TRMT2B: variants seen among roughly 807,000 people sequenced by gnomAD.
The protein encoded by TRMT2B is tRNA methyltransferase 2B.
A neutral mutation model predicts 39.7 loss-of-function variants in TRMT2B; 34 were observed. That is an observed-to-expected ratio of 0.86 (90% CI 0.65 to 1.14). The LOEUF (loss-of-function observed/expected upper bound fraction) is 1.14, where lower values mean the gene tolerates loss of function less well. TRMT2B is among the 50% of genes most tolerant of loss of function. TRMT2B has a pLI of 0.00. For synonymous variants in TRMT2B, 132 were observed against 137.3 expected, an observed-to-expected ratio of 0.96 and a Z score of 0.27; for missense variants, 318 against 377.2, an observed-to-expected ratio of 0.84 and a Z score of 1.30.
intron 4 of TRMT2B, among the ~76,000 whole-genome samples, chrX:101,040,445 T>C (rs2148059062): frequency 9.0e-6 from 1 of 111,274 alleles, no homozygotes; most frequent in South Asian, 3.8e-4. Context: ...GGTAGATGTT[T>C]GAGGTGCGTG....
Position 101,009,725 on chromosome X carries a change from G to C in TRMT2B, c.*856C>G, listed in dbSNP as rs145936544. On this transcript the variant is annotated 3_prime_UTR_variant, in exon 14 of 14. Transcript: ENST00000372936. ...AAAACTACATTTTCAAGGGGCATTC[G>C]AGATGCCTTAAAACCAAGAAAACCC... 3.0e-5 allele frequency: 3 copies of C among 101,338 alleles called. No individual in the cohort carries two copies. Among genetic ancestry groups the C allele is most frequent in the African/African-American group, 1.1e-4 (3 of 27,780 alleles). The allele number at this position is 101,338 out of a possible 1,213,427, so 8.4% of individuals were successfully genotyped here.
At chrX:101,015,575 G>A (rs972574966) in intron 13 of TRMT2B, 9 of 665,462 alleles carry the variant, frequency 1.4e-5, no homozygotes, top group South Asian at 7.9e-5. Context: ...TCATATCCTC[G>A]GTTCATTTTT....
chrX:100,992,158 T>C, the TRMT2B span, among the ~76,000 whole-genome samples: 3 of 110,648 alleles, frequency 2.7e-5, no homozygotes, highest in African/African-American at 9.9e-5. Context: ...AATGTGTACA[T>C]ATATATCAAT....
Position 101,020,989 on chromosome X carries a change from C to T in TRMT2B, c.1066+112G>A, listed in dbSNP as rs148532931. The T allele has an allele frequency of 3.3e-5, 22 of 668,847 alleles. No individual in the cohort carries two copies. The East Asian group carries it at 5.8e-4, about 18-fold the overall frequency. 55.1% of individuals were successfully genotyped at this position (668,847 alleles called of 1,213,427 possible). ...TGGCTGCAGTTGTAGGGTTTTAGAC[C>T]GACAAGGTTATACCTGCACCACTAC... On this transcript the variant is annotated intron_variant, in intron 10 of 13. Coordinates refer to ENST00000372936, the MANE Select transcript of TRMT2B (RefSeq NM_024917.6).
chrX:100,977,260 C>G, the TRMT2B span, among the ~76,000 whole-genome samples: 3 of 110,303 alleles, frequency 2.7e-5, no homozygotes, highest in Admixed American at 9.7e-5. Flanking sequence ...GTTGTGCTAT[C>G]GAATACTAGA....
At chrX:100,974,716 A>G in the TRMT2B span, among the ~76,000 whole-genome samples, 5 of 111,718 alleles carry the variant, frequency 4.5e-5, no homozygotes, top group South Asian at 1.9e-3. Context: ...TCCAAGTTTA[A>G]TACCAGGTCT....
Position 101,023,611 on chromosome X carries a change from A to T in TRMT2B, c.615T>A (p.Tyr205Ter). Residue 205 changes from tyrosine (Y) to a stop codon, truncating the protein, a stop_gained, in exon 8 of 14, where the codon TAT (tyrosine) becomes TAA (stop). Coordinates refer to ENST00000372936, the MANE Select transcript of TRMT2B (RefSeq NM_024917.6). LOFTEE classifies it high-confidence loss of function. ...PEKHSQVAQY[Y>*]EVFLRQSPLE... The stretch of plus-strand genomic sequence containing the variant: ...ATGGAGACTGTCGAAGGAATACTTC[A>T]TAGTACTAGGAAGAGAACCGAATTA... 8.3e-7 allele frequency: 1 copy of T among 1,204,583 alleles called. No homozygotes were observed. Among genetic ancestry groups the T allele is most frequent in the South Asian group, 1.8e-5 (1 of 56,227 alleles).
chrX:101,031,155 A>G (rs1366053318), intron 7 of TRMT2B, among the ~76,000 whole-genome samples: 1 of 110,405 alleles, frequency 9.1e-6, no homozygotes, highest in Non-Finnish European at 1.9e-5. Flanking sequence ...TTGTATTTTT[A>G]GTAAAGACAG....
At chrX:101,044,538 T>C (rs2088482211) in intron 2 of TRMT2B, among the ~76,000 whole-genome samples, 1 of 110,637 alleles carries the variant, frequency 9.0e-6, no homozygotes, top group Non-Finnish European at 1.9e-5. Context: ...CTGGCCAACA[T>C]AGTGAAACCC....
At chrX:100,995,500 G>A in the TRMT2B span, among the ~76,000 whole-genome samples, 1 of 112,060 alleles carries the variant, frequency 8.9e-6, no homozygotes, top group Non-Finnish European at 1.9e-5. Context: ...GCCAGGATCT[G>A]GTCCAGGGAG....
At chrX:101,034,080 G>A (rs1021335914) in intron 7 of TRMT2B, among the ~76,000 whole-genome samples, 1 of 109,950 alleles carries the variant, frequency 9.1e-6, no homozygotes, top group East Asian at 2.8e-4. Context: ...GACCTCAGGT[G>A]ATCTGCCCGC....
At chrX:101,003,342 C>T in the TRMT2B span, among the ~76,000 whole-genome samples, 1 of 67,841 alleles carries the variant, frequency 1.5e-5, no homozygotes, top group Non-Finnish European at 2.6e-5. Flanking sequence ...GAGTGACATC[C>T]GATAGCTTTT....
the TRMT2B span, among the ~76,000 whole-genome samples, chrX:100,993,355 G>A: frequency 1.8e-5 from 2 of 112,004 alleles, no homozygotes; most frequent in Admixed American, 9.5e-5. Flanking sequence ...GATAAATATC[G>A]CTGGAGAATT....
At chrX:101,023,659 T>A (rs2086905386) in intron 7 of TRMT2B, 43 bp from the exon 8 acceptor site, 6 of 1,154,978 alleles carry the variant, frequency 5.2e-6, no homozygotes, top group Non-Finnish European at 5.9e-6. Flanking sequence ...AACTAGCAAG[T>A]TTCACAGCTG....
chrX:100,977,366 CTTCTTTTTTTTTT>C, the TRMT2B span, among the ~76,000 whole-genome samples: 13 of 78,181 alleles, frequency 1.7e-4, no homozygotes, highest in East Asian at 2.3e-3. Context: ...CTTCTACTCT[CTTCTTTTTTTTTT>C]TTTTTTTTTT....
intron 4 of TRMT2B, among the ~76,000 whole-genome samples, chrX:101,039,341 G>A (rs2088073641): frequency 8.9e-6 from 1 of 112,075 alleles, no homozygotes; most frequent in Non-Finnish European, 1.9e-5. Flanking sequence ...AAAGTGCTGG[G>A]ATTACAGGCG....
chrX:100,992,868 C>T, the TRMT2B span, among the ~76,000 whole-genome samples: 3 of 111,475 alleles, frequency 2.7e-5, no homozygotes, highest in Non-Finnish European at 5.6e-5. Flanking sequence ...AAACTAAGGT[C>T]CTACTCCATA....
chrX:100,991,411 C>T, the TRMT2B span, among the ~76,000 whole-genome samples: 365 of 77,119 alleles, frequency 4.7e-3, no homozygotes, highest in Non-Finnish European at 7.8e-3. Flanking sequence ...GACAGAGTCT[C>T]ACTGTCTCCC....
At chrX:100,980,990 T>C in the TRMT2B span, among the ~76,000 whole-genome samples, 1 of 111,729 alleles carries the variant, frequency 9.0e-6, no homozygotes, top group Non-Finnish European at 1.9e-5. Flanking sequence ...TTCTCTTTAC[T>C]CTTCCCTCTC....
Sources: allele counts gnomAD v4.1 joint callset (sites outside exome capture counted in the v4.1 genomes callset), GRCh38; gene constraint gnomAD v4.1.1; transcripts MANE v1.5; gene names NCBI Gene and HGNC (gene_info 2026-07-23, HGNC 2026-07-21).